Variants in NBAS observed in about 807,000 individuals in gnomAD.
NBAS encodes NBAS subunit of NRZ tethering complex.
Under a neutral mutation model 302.5 loss-of-function variants are expected in NBAS, and 219 were observed. The ratio of observed to expected loss-of-function variants is 0.72; its 90% CI spans 0.65 to 0.81. The LOEUF (loss-of-function observed/expected upper bound fraction) is 0.81. Among genes scored for constraint, NBAS ranks in the 30% least tolerant of loss-of-function variants. The pLI is 0.00. For missense variants in NBAS, 2,932 were observed against 2,841.6 expected, an observed-to-expected ratio of 1.03 and a Z score of -0.72; for synonymous variants, 1,118 against 1,021.6, an observed-to-expected ratio of 1.09 and a Z score of -1.80.
the NBAS span, among the ~76,000 whole-genome samples, chr2:15,112,021 A>G: frequency 6.6e-6 from 1 of 150,394 alleles, no homozygotes; most frequent in Non-Finnish European, 1.5e-5. Context: ...GATCATTAGA[A>G]TAGATGAAGG....
At chr2:14,822,757 T>C in the NBAS span, among the ~76,000 whole-genome samples, 1 of 152,254 alleles carries the variant, frequency 6.6e-6, no homozygotes. Context: ...AAACCTGTTA[T>C]GAATGTAAGA....
the NBAS span, among the ~76,000 whole-genome samples, chr2:15,038,822 G>C: frequency 4.6e-5 from 7 of 152,220 alleles, no homozygotes; most frequent in Non-Finnish European, 8.8e-5. Context: ...CCTGGCCAGA[G>C]AGGAAGTGGG....
At chr2:15,360,803 A>G (rs753753667) in intron 32 of NBAS, among the ~76,000 whole-genome samples, 1 of 152,126 alleles carries the variant, frequency 6.6e-6, no homozygotes. Flanking sequence ...CCTTCGGGCC[A>G]TAACACATGG....
intron 51 of NBAS, among the ~76,000 whole-genome samples, chr2:15,176,230 G>A (rs1664531707): frequency 6.6e-6 from 1 of 152,134 alleles, no homozygotes; most frequent in South Asian, 2.1e-4. Flanking sequence ...ACCCTTTAAT[G>A]GTGTTGGAAG....
chr2:15,287,298 G>T, intron 41 of NBAS, 115 bp from the exon 42 acceptor site: 1 of 771,654 alleles, frequency 1.3e-6, no homozygotes, highest in Non-Finnish European at 2.3e-6. Context: ...AAGCAGTGTG[G>T]TCCTTAATAA....
the NBAS span, among the ~76,000 whole-genome samples, chr2:14,836,395 CT>C: frequency 0.013 from 1,948 of 151,654 alleles, 46 homozygotes; most frequent in African/African-American, 0.043. Context: ...CCAAATTTGC[CT>C]TGATAAATTT....
At chr2:15,344,781 G>A (rs1673013597) in intron 35 of NBAS, among the ~76,000 whole-genome samples, 2 of 152,168 alleles carry the variant, frequency 1.3e-5, no homozygotes, top group Middle Eastern at 3.4e-3. Flanking sequence ...CTGGCAAACC[G>A]AATCCAGTAC....
At chr2:15,109,440 G>A in the NBAS span, among the ~76,000 whole-genome samples, 1 of 152,146 alleles carries the variant, frequency 6.6e-6, no homozygotes, top group African/African-American at 2.4e-5. Context: ...ACACTCAAAT[G>A]AAGAATTATA....
chr2:14,902,569 A>G, the NBAS span, among the ~76,000 whole-genome samples: 1 of 152,246 alleles, frequency 6.6e-6, no homozygotes, highest in Admixed American at 6.5e-5. Flanking sequence ...CAAACATTGG[A>G]AAATGGCCAG....
chr2:14,948,080 G>A, the NBAS span, among the ~76,000 whole-genome samples: 3 of 151,956 alleles, frequency 2.0e-5, no homozygotes, highest in Non-Finnish European at 4.4e-5. Context: ...CCTAGTGTTT[G>A]ATAGATCAAT....
chr2:14,792,459 G>A, the NBAS span, among the ~76,000 whole-genome samples: 2 of 152,204 alleles, frequency 1.3e-5, no homozygotes, highest in East Asian at 3.9e-4. Flanking sequence ...GCTTTTCATT[G>A]CTGACAGTAT....
chr2:15,208,541 T>C (rs1019151079), intron 48 of NBAS, among the ~76,000 whole-genome samples: 2 of 152,164 alleles, frequency 1.3e-5, no homozygotes, highest in Admixed American at 6.5e-5. Flanking sequence ...ATCGGTACTA[T>C]GGATCAAATG....
chr2:15,287,500 T>TAC (rs1558504766), intron 41 of NBAS, among the ~76,000 whole-genome samples: 2 of 152,004 alleles, frequency 1.3e-5, no homozygotes, highest in African/African-American at 4.8e-5. Flanking sequence ...GGGGCAGATG[T>TAC]ACTACACTAC....
the NBAS span, among the ~76,000 whole-genome samples, chr2:14,964,797 A>G: frequency 6.6e-6 from 1 of 152,160 alleles, no homozygotes; most frequent in African/African-American, 2.4e-5. Flanking sequence ...GCCATAAAAA[A>G]ACTCAATAAA....
chr2:15,467,675 C>A lies in NBAS; in HGVS notation c.2007G>T (p.Val669=), dbSNP rs549945374. The A allele has an allele frequency of 5.0e-6, 8 of 1,612,228 alleles. No individual in the cohort carries two copies. In the South Asian group the frequency reaches 6.6e-5, roughly 13 times the overall value. The part of the protein sequence containing the change: ...LKKRQELLKL[V]NFSKLTLEQK... ...AACAACTCATTTACTTGGAAAAGTT[C>A]ACTAATTTCAGTAGTTCTTGTCTCT... The change falls in exon 18 of 52, where the codon GTG becomes GTT. Residue 669 remains valine, a synonymous_variant. Transcript: ENST00000281513.
chr2:15,009,822 A>G, the NBAS span, among the ~76,000 whole-genome samples: 1,165 of 151,852 alleles, frequency 7.7e-3, 16 homozygotes, highest in African/African-American at 0.027. Flanking sequence ...GGACCATGCA[A>G]TGTGGACCTA....
At chr2:15,018,505 T>A in the NBAS span, among the ~76,000 whole-genome samples, 36 of 152,024 alleles carry the variant, frequency 2.4e-4, no homozygotes, top group African/African-American at 8.2e-4. Flanking sequence ...TTTACTCAAA[T>A]GGGTGAAGTT....
chr2:15,439,208 C>G (rs952865113), intron 21 of NBAS, among the ~76,000 whole-genome samples: 12 of 150,436 alleles, frequency 8.0e-5, no homozygotes, highest in African/African-American at 2.9e-4. Flanking sequence ...GAGGCTGAGG[C>G]AGGAGAATGG....
At chr2:15,443,066 C>A (rs552648469) in intron 21 of NBAS, among the ~76,000 whole-genome samples, 3 of 151,842 alleles carry the variant, frequency 2.0e-5, no homozygotes, top group South Asian at 2.1e-4. Context: ...CCGAATTCTA[C>A]CAGAGGTACA....
Sources: allele counts gnomAD v4.1 joint callset (sites outside exome capture counted in the v4.1 genomes callset), GRCh38; gene constraint gnomAD v4.1.1; transcripts MANE v1.5; gene names NCBI Gene and HGNC (gene_info 2026-07-23, HGNC 2026-07-21).